Variants in FCRLB observed in about 807,000 individuals in gnomAD.
The protein encoded by FCRLB is Fc receptor like B.
In FCRLB, 34 loss-of-function variants were observed where a neutral mutation model predicts 33.6. The ratio of observed to expected loss-of-function variants is 1.01; its 90% confidence interval spans 0.77 to 1.35. The LOEUF is 1.35. FCRLB is among the 40% of genes most tolerant of loss of function. FCRLB has a pLI of 0.00. For missense variants in FCRLB, 560 were observed against 580.2 expected (o/e 0.97, Z 0.36); for synonymous variants, 280 against 255.9 (o/e 1.09, Z -0.90).
chr1:161,723,344 T>C, intron 4 of FCRLB, 23 bp from the exon 5 acceptor site: 1 of 1,608,744 alleles, frequency 6.2e-7, no homozygotes, highest in Non-Finnish European at 8.5e-7. Flanking sequence ...TGCTGCCCCC[T>C]CTCACCCCAC....
chr1:161,722,940 T>C, intron 3 of FCRLB, 49 bp from the exon 4 acceptor site: 1 of 1,611,678 alleles, frequency 6.2e-7, no homozygotes, highest in Non-Finnish European at 8.5e-7. Context: ...TCTCCTCTCA[T>C]CGCCAATATT....
intron 5 of FCRLB, 147 bp from the exon 6 acceptor site, chr1:161,725,674 G>GAAAAAAAAAA: frequency 9.4e-7 from 1 of 1,063,516 alleles, no homozygotes; most frequent in Non-Finnish European, 1.3e-6. Context: ...AAAAAAGAAA[G>GAAAAAAAAAA]AAAAAGAAAA....
chr1:161,727,311 T>TAATA lies in FCRLB; in HGVS notation c.931_934dup (p.Arg312LysfsTer2). On this transcript the variant is annotated frameshift_variant, in exon 8 of 8. Coordinates refer to ENST00000367948, the Ensembl canonical transcript of FCRLB. LOFTEE classifies it low-confidence loss of function (END_TRUNC). ...CATGGGCCGCAGCCTTGGCTCCTGG[T>TAATA]AATAGGCCGCTTTCCTTCAGAAAGC... 1 of 1,613,670 alleles carries TAATA rather than the reference T, an allele frequency of 6.2e-7. No individual in the cohort carries two copies. The highest frequency in any genetic ancestry group is 2.2e-5 in the East Asian group (1 of 44,864).
chr1:161,724,554 G>A (rs1683478763), intron 5 of FCRLB, among the ~76,000 whole-genome samples: 2 of 152,122 alleles, frequency 1.3e-5, no homozygotes, highest in African/African-American at 4.8e-5. Flanking sequence ...CTGAGATCGT[G>A]CACTCCTAGC....
chr1:161,723,317 C>T (rs1473442305), intron 4 of FCRLB, 50 bp from the exon 5 acceptor site: 3 of 1,596,756 alleles, frequency 1.9e-6, no homozygotes, highest in Admixed American at 1.7e-5. Flanking sequence ...GGGCACCTCA[C>T]CTTGATTCTC....
chr1:161,727,680 C>CCTCAG, exon 8 of FCRLB: 1 of 1,570,494 alleles, frequency 6.4e-7, no homozygotes, highest in Non-Finnish European at 8.6e-7. Flanking sequence ...GCTACCGTCC[C>CCTCAG]CTCTGCAGGC....
chr1:161,726,339 C>A lies in FCRLB; in HGVS notation c.574+252C>A. On this transcript the variant is annotated intron_variant, in intron 6 of 7. Coordinates refer to ENST00000367948, the Ensembl canonical transcript of FCRLB. The surrounding 1 kb of genome is among the most constrained non-coding windows in gnomAD (Gnocchi z 5.2). Reference sequence around the variant, plus strand: ...TGGCTGGGGACTCCCACAGAGAGGGCAGCTCTGGCAGGGGCAGGGGCCACT... The same window carrying A: ...TGGCTGGGGACTCCCACAGAGAGGGAAGCTCTGGCAGGGGCAGGGGCCACT... 1.3e-6 allele frequency: 1 copy of A among 764,046 alleles called. No individual in the cohort carries two copies. The highest frequency in any genetic ancestry group is 2.3e-6 in the Non-Finnish European group (1 of 443,410). 47.3% of individuals were successfully genotyped at this position (764,046 alleles called of 1,614,324 possible).
exon 5 of FCRLB, chr1:161,723,617 C>T (rs774556960): frequency 4.3e-6 from 7 of 1,613,596 alleles, no homozygotes; most frequent in East Asian, 2.2e-5. Context: ...TCTCTGTATC[C>T]AATGGTGAGT....
At chr1:161,723,727 G>A (rs1482889154) in intron 5 of FCRLB, 106 bp downstream of exon 5, 23 of 1,479,332 alleles carry the variant, frequency 1.6e-5, no homozygotes, top group Non-Finnish European at 2.1e-5. Flanking sequence ...CAGGAAACAA[G>A]GGCCACACTG....
At chr1:161,727,370 C>T (rs1379599338) in exon 8 of FCRLB, 3 of 1,613,746 alleles carry the variant, frequency 1.9e-6, no homozygotes, top group Non-Finnish European at 2.5e-6. Flanking sequence ...TTGGTCACCT[C>T]CGTCCGGAAC....
chr1:161,726,588 C>T lies in FCRLB; in HGVS notation c.575-115C>T, dbSNP rs1191734292. The T allele has an allele frequency of 1.4e-6, 2 of 1,420,608 alleles. No homozygotes were observed. The highest frequency in any genetic ancestry group is 1.9e-6 in the Non-Finnish European group (2 of 1,042,274). 88.0% of individuals were successfully genotyped at this position (1,420,608 alleles called of 1,614,324 possible). On this transcript the variant is annotated intron_variant, in intron 6 of 7. Transcript: ENST00000367948. This position sits in a 1 kb window ranked among gnomAD's most constrained non-coding sequence, Gnocchi z 5.2. ...CCCCCTCCACGTGGACACACGGCCT[C>T]CTCCCCTCCCCCCTTGGTCTGTGGG...
At position 161,726,061 on chromosome 1, in the gene FCRLB, C is replaced by T. The variant is rs752834106; in HGVS notation, c.548C>T (p.Ser183Phe). 1 of 1,611,824 alleles carries T rather than the reference C, an allele frequency of 6.2e-7. No individual in the cohort carries two copies. The highest frequency in any genetic ancestry group is 1.7e-5 in the Admixed American group (1 of 59,904). ...CCGGTGGAGAGCGCGCCCATGTTCT[C>T]CGCTAAGGTGGCTGTGACAGTGCAA... is the stretch of plus-strand genomic sequence containing the variant. Residue 183 changes from serine to phenylalanine, a missense_variant, in exon 6 of 8, where the codon TCC (serine) becomes TTC (phenylalanine). Ser to Phe is a radical substitution (Grantham distance 155). Transcript: ENST00000367948. This position sits in a 1 kb window ranked among gnomAD's most constrained non-coding sequence, Gnocchi z 5.2.
At chr1:161,724,980 T>C (rs1470221871) in intron 5 of FCRLB, among the ~76,000 whole-genome samples, 2 of 152,064 alleles carry the variant, frequency 1.3e-5, no homozygotes, top group Non-Finnish European at 2.9e-5. Context: ...GCTGAGGAAA[T>C]AGCAGGTACA....
Position 161,727,278 on chromosome 1 carries a change from C to T in FCRLB, c.897C>T (p.Ala299=), listed in dbSNP as rs1366933223. ...CCCTGGACCCGGCCTCCACCACCGC[C>T]CCAGCTCCATGGGCCGCAGCCTTGG... The change falls in exon 8 of 8, where the codon GCC becomes GCT. Residue 299 remains alanine (A), a synonymous_variant. Coordinates refer to ENST00000367948, the Ensembl canonical transcript of FCRLB. 6 of 1,612,092 alleles carry T rather than the reference C, an allele frequency of 3.7e-6. No homozygotes were observed. In the Admixed American group the frequency reaches 6.7e-5, roughly 18 times the overall value.
In FCRLB at chr1:161,726,035, C is replaced by T; in HGVS notation, c.522C>T (p.Ile174=). 1 of 1,613,528 alleles carries T rather than the reference C, an allele frequency of 6.2e-7. No homozygotes were observed. The highest frequency in any genetic ancestry group is 1.7e-5 in the Admixed American group (1 of 59,994). Reference sequence around the variant, plus strand: ...ACCAGTGCTCGGGCACCATGCGCATCCCGGTGGAGAGCGCGCCCATGTTCT... The same window carrying T: ...ACCAGTGCTCGGGCACCATGCGCATTCCGGTGGAGAGCGCGCCCATGTTCT... Residue 174 remains isoleucine, a synonymous_variant, in exon 6 of 8, where the codon ATC becomes ATT. Coordinates refer to ENST00000367948, the Ensembl canonical transcript of FCRLB. The surrounding 1 kb of genome is among the most constrained non-coding windows in gnomAD (Gnocchi z 5.2).
chr1:161,722,860 G>C (rs1472250941), intron 3 of FCRLB, 129 bp from the exon 4 acceptor site: 1 of 1,494,308 alleles, frequency 6.7e-7, no homozygotes, highest in East Asian at 2.3e-5. Flanking sequence ...CTCAGAGCTT[G>C]GGAAACCAGG....
chr1:161,726,460 G>A lies in FCRLB; in HGVS notation c.575-243G>A, dbSNP rs1233620332. On this transcript the variant is annotated intron_variant, in intron 6 of 7. Transcript: ENST00000367948. The surrounding 1 kb of genome is among the most constrained non-coding windows in gnomAD (Gnocchi z 5.2). Reference sequence around the variant, plus strand: ...GCAGAACCCGAGCTGAGTGTCAGTCGGGATGTGACATGAAGCGTCTGGCCT... The same window carrying A: ...GCAGAACCCGAGCTGAGTGTCAGTCAGGATGTGACATGAAGCGTCTGGCCT... 4.1e-6 allele frequency: 3 copies of A among 731,372 alleles called. No homozygotes were observed. The highest frequency in any genetic ancestry group is 7.3e-6 in the Non-Finnish European group (3 of 412,194). 45.3% of individuals were successfully genotyped at this position (731,372 alleles called of 1,614,324 possible).
rs1683597601 is a variant in FCRLB, at chr1:161,726,928, G to A, written c.800G>A (p.Cys267Tyr). 1.3e-6 allele frequency: 2 copies of A among 1,564,292 alleles called. No individual in the cohort carries two copies. Among genetic ancestry groups the A allele is most frequent in the Admixed American group, 1.9e-5 (1 of 52,328 alleles). Residue 267 changes from cysteine (C) to tyrosine (Y), a missense_variant, in exon 7 of 8, where the codon TGC (cysteine) becomes TAC (tyrosine). By Grantham distance (194) the Cys-to-Tyr change is radical. Coordinates refer to ENST00000367948, the Ensembl canonical transcript of FCRLB. This position sits in a 1 kb window ranked among gnomAD's most constrained non-coding sequence, Gnocchi z 5.2. Reference sequence around the variant, plus strand: ...GTCGAGGAGCTCGAATCGTACTGGTGCGAGGCGGCTACCGCCACCCGCAGT... The same window carrying A: ...GTCGAGGAGCTCGAATCGTACTGGTACGAGGCGGCTACCGCCACCCGCAGT...
At chr1:161,722,957 C>T in intron 3 of FCRLB, 32 bp from the exon 4 acceptor site, 1 of 1,612,914 alleles carries the variant, frequency 6.2e-7, no homozygotes, top group Non-Finnish European at 8.5e-7. Flanking sequence ...TATTCTCCTT[C>T]TCCTTCCTCT....
Sources: allele counts gnomAD v4.1 joint callset (sites outside exome capture counted in the v4.1 genomes callset), GRCh38; gene constraint gnomAD v4.1.1; non-coding constraint Gnocchi (gnomAD v3.1); transcripts MANE v1.5; gene names NCBI Gene and HGNC (gene_info 2026-07-23, HGNC 2026-07-21).